Variants in CCDC158 observed in about 807,000 individuals in gnomAD.
CCDC158 encodes the protein coiled-coil domain containing 158.
CCDC158 carries 116 observed loss-of-function variants against 138.6 expected under a neutral mutation model. The observed-to-expected ratio is 0.84, with a 90% CI of 0.72 to 0.98. The LOEUF is 0.98. Among genes scored for constraint, CCDC158 ranks in the 50% least tolerant of loss-of-function variants. The pLI is 0.00. For missense variants in CCDC158, 1,265 were observed against 1,306.1 expected, an observed-to-expected ratio of 0.97 and a Z score of 0.48; for synonymous variants, 436 against 442.4, an observed-to-expected ratio of 0.99 and a Z score of 0.18.
At chr4:76,369,696 C>T (rs1725055571) in intron 10 of CCDC158, 73 bp from the exon 11 acceptor site, 2 of 1,344,908 alleles carry the variant, frequency 1.5e-6, no homozygotes, top group Admixed American at 2.0e-5. Flanking sequence ...GTCTTTATAT[C>T]ATATTTGGAG....
chr4:76,334,026 C>T lies in CCDC158; in HGVS notation c.2806G>A (p.Ala936Thr), dbSNP rs780041629. Reference sequence around the variant, plus strand: ...CAGCCTTACACAGCCACATACAAGGCTCCCAGAGATGTTCTTCCATCTTCC... The same window carrying T: ...CAGCCTTACACAGCCACATACAAGGTTCCCAGAGATGTTCTTCCATCTTCC... ...TEEDGRTSLG[A>T]LYVAVEDRVR... The change falls in exon 19 of 25, where the codon GCC (alanine) becomes ACC (threonine). Residue 936 changes from alanine to threonine, a missense_variant. Ala to Thr is a moderately conservative substitution (Grantham distance 58, BLOSUM62 0). Coordinates refer to ENST00000682701, the MANE Select transcript of CCDC158 (RefSeq NM_001394954.1). 3 of 1,611,702 alleles carry T rather than the reference C, an allele frequency of 1.9e-6. No individual in the cohort carries two copies. The highest frequency in any genetic ancestry group is 2.5e-6 in the Non-Finnish European group (3 of 1,178,588).
chr4:76,354,127 T>C (rs903255939), intron 15 of CCDC158, among the ~76,000 whole-genome samples: 66 of 150,456 alleles, frequency 4.4e-4, no homozygotes, highest in African/African-American at 1.6e-3. Context: ...CTACGATGAA[T>C]ATTTTCCTTT....
intron 2 of CCDC158, among the ~76,000 whole-genome samples, chr4:76,406,125 AAAG>A (rs1167567469): frequency 1.3e-5 from 2 of 152,208 alleles, no homozygotes; most frequent in South Asian, 2.1e-4. Flanking sequence ...AGAGATTCAA[AAAG>A]ACTAAAAATA....
intron 3 of CCDC158, among the ~76,000 whole-genome samples, chr4:76,397,712 A>G (rs1727954728): frequency 6.6e-6 from 1 of 152,226 alleles, no homozygotes; most frequent in African/African-American, 2.4e-5. Context: ...GAAGAACTCT[A>G]TGGTATTGGA....
At chr4:76,354,683 A>G in intron 15 of CCDC158, among the ~76,000 whole-genome samples, 1 of 152,164 alleles carries the variant, frequency 6.6e-6, no homozygotes, top group South Asian at 2.1e-4. Flanking sequence ...AGAAGCATAC[A>G]TGCACACTCC....
chr4:76,361,983 T>G, intron 13 of CCDC158, 143 bp downstream of exon 13: 1 of 605,884 alleles, frequency 1.7e-6, no homozygotes, highest in Non-Finnish European at 2.8e-6. Flanking sequence ...TTTCATGCTA[T>G]GAATAACTCC....
intron 9 of CCDC158, among the ~76,000 whole-genome samples, chr4:76,372,617 G>A (rs1352884160): frequency 6.6e-6 from 1 of 152,076 alleles, no homozygotes; most frequent in Non-Finnish European, 1.5e-5. Context: ...TTATTTTATA[G>A]CCACTACTTT....
chr4:76,348,947 A>G (rs569667403), intron 18 of CCDC158, among the ~76,000 whole-genome samples: 1 of 152,362 alleles, frequency 6.6e-6, no homozygotes, highest in South Asian at 2.1e-4. Context: ...ATTTCAATCC[A>G]TGCATCAGGA....
At position 76,403,143 on chromosome 4, in the gene CCDC158, T is replaced by C; in HGVS notation, c.65A>G (p.Asn22Ser). 1 of 1,603,592 alleles carries C rather than the reference T, an allele frequency of 6.2e-7. No individual in the cohort carries two copies. Among genetic ancestry groups the C allele is most frequent in the Non-Finnish European group, 8.5e-7 (1 of 1,174,084 alleles). ...DLLSSSGVTS[N>S]GGSSSSFFVS... is the part of the protein sequence containing the mutation. ...GTTTTATAAACAGCACATACCTCCATTAGATGTGACACCACTACTTGATAA... is the reference window on the plus strand; with the variant it reads ...GTTTTATAAACAGCACATACCTCCACTAGATGTGACACCACTACTTGATAA... The change falls in exon 3 of 25, where the codon AAT becomes AGT. Residue 22 changes from asparagine to serine, a missense_variant. Transcript: ENST00000682701.
intron 2 of CCDC158, among the ~76,000 whole-genome samples, chr4:76,411,105 A>G (rs1222473369): frequency 6.6e-6 from 1 of 152,224 alleles, no homozygotes; most frequent in Non-Finnish European, 1.5e-5. Flanking sequence ...AATAACATGA[A>G]TAACAATACT....
intron 13 of CCDC158, among the ~76,000 whole-genome samples, chr4:76,358,008 CACAT>C (rs1371056592): frequency 2.6e-5 from 4 of 151,850 alleles, no homozygotes; most frequent in African/African-American, 7.3e-5. Flanking sequence ...CACACACACA[CACAT>C]ATTTATTTAT....
chr4:76,324,114 C>A (rs1335619939), intron 23 of CCDC158, among the ~76,000 whole-genome samples: 2 of 152,024 alleles, frequency 1.3e-5, no homozygotes, highest in Non-Finnish European at 2.9e-5. Context: ...TCAAAAAATA[C>A]CCTTTTCATT....
intron 17 of CCDC158, 151 bp downstream of exon 17, chr4:76,351,569 A>T: frequency 1.6e-6 from 1 of 608,264 alleles, no homozygotes; most frequent in Non-Finnish European, 2.9e-6. Flanking sequence ...GGTATAGTAT[A>T]TAACAATGTA....
chr4:76,337,396 T>C (rs1375077630), intron 18 of CCDC158, among the ~76,000 whole-genome samples: 1 of 152,224 alleles, frequency 6.6e-6, no homozygotes, highest in Admixed American at 6.5e-5. Context: ...ATAGGAAATA[T>C]ACCTTGATTT....
intron 3 of CCDC158, chr4:76,401,529 C>A: frequency 5.1e-6 from 1 of 194,278 alleles, no homozygotes; most frequent in South Asian, 9.6e-5. Flanking sequence ...CTTGAACTGG[C>A]TTGAGATATG....
chr4:76,329,348 G>A lies in CCDC158; in HGVS notation c.2943-381C>T, dbSNP rs567444310. ...CCCCTGTAATCCCAGCACTTTCGGA[G>A]GCTGACGCAGGTGGATCATGAGGTC... On this transcript the variant is annotated intron_variant, in intron 21 of 24. Transcript: ENST00000682701. Among the ~76,000 whole-genome samples the A allele has an allele frequency of 1.6e-4, 24 of 152,238 alleles. 1 individual carries two copies. In the East Asian group the frequency reaches 4.6e-3, roughly 29 times the overall value.
At chr4:76,375,109 G>A (rs1476578774) in intron 9 of CCDC158, 1 of 154,490 alleles carries the variant, frequency 6.5e-6, no homozygotes, top group African/African-American at 2.4e-5. Flanking sequence ...GATATAAACA[G>A]CTGTAAAAAA....
intron 18 of CCDC158, among the ~76,000 whole-genome samples, chr4:76,336,321 A>C (rs1192063406): frequency 1.3e-5 from 2 of 151,930 alleles, no homozygotes; most frequent in Non-Finnish European, 2.9e-5. Flanking sequence ...TTGCTCCTCC[A>C]GTGAAAATGT....
chr4:76,398,779 A>G (rs1003754333), intron 3 of CCDC158, among the ~76,000 whole-genome samples: 8 of 152,114 alleles, frequency 5.3e-5, no homozygotes, highest in Non-Finnish European at 8.8e-5. Flanking sequence ...GGGACATTCT[A>G]TGATACATTC....
Sources: gnomAD v4.1 joint callset for allele counts (sites outside exome capture counted in the v4.1 genomes callset) on GRCh38, gnomAD v4.1.1 for gene constraint, MANE v1.5 for transcripts, NCBI Gene and HGNC (gene_info 2026-07-23, HGNC 2026-07-21) for gene names.